MSH3: variants seen among roughly 807,000 people sequenced by gnomAD.
MSH3 encodes the protein mutS homolog 3.
A neutral mutation model predicts 123.3 loss-of-function variants in MSH3; 106 were observed. The ratio of observed to expected loss-of-function variants is 0.86; its 90% CI spans 0.73 to 1.01. MSH3 has a LOEUF of 1.01. Among genes scored for constraint, MSH3 ranks in the 50% least tolerant of loss-of-function variants. The pLI is 0.00. For synonymous variants in MSH3, 515 were observed against 481.4 expected (o/e 1.07, Z -0.91); for missense variants, 1,459 against 1,347.6 (o/e 1.08, Z -1.29).
intron 20 of MSH3, among the ~76,000 whole-genome samples, chr5:80,822,213 C>G (rs1334900411): frequency 1.3e-5 from 2 of 152,238 alleles, no homozygotes; most frequent in African/African-American, 4.8e-5. Flanking sequence ...GAGAGAAGTA[C>G]TGTGCCATAG....
chr5:80,775,875 T>A (rs1439176378), intron 16 of MSH3, 117 bp downstream of exon 16: 3 of 682,576 alleles, frequency 4.4e-6, no homozygotes, highest in Non-Finnish European at 7.8e-6. Flanking sequence ...TTTTTACTTA[T>A]TTTTTCTGAT....
intron 18 of MSH3, among the ~76,000 whole-genome samples, chr5:80,792,415 A>G (rs1043011186): frequency 6.6e-6 from 1 of 151,158 alleles, no homozygotes; most frequent in African/African-American, 2.4e-5. Flanking sequence ...TATCTCTTAA[A>G]AAAAAAAAAA....
intron 20 of MSH3, among the ~76,000 whole-genome samples, chr5:80,851,643 T>C (rs545166918): frequency 1.8e-4 from 27 of 152,332 alleles, no homozygotes; most frequent in Non-Finnish European, 3.4e-4. Flanking sequence ...TTTGATGACA[T>C]ATATGTAAAG....
At chr5:80,704,558 C>T (rs1445093567) in intron 8 of MSH3, among the ~76,000 whole-genome samples, 1 of 152,100 alleles carries the variant, frequency 6.6e-6, no homozygotes, top group Non-Finnish European at 1.5e-5. Flanking sequence ...GCTGATCTCT[C>T]TGGAGTGATT....
chr5:80,709,398 G>T (rs1023410978), intron 8 of MSH3, among the ~76,000 whole-genome samples: 1 of 152,144 alleles, frequency 6.6e-6, no homozygotes. Context: ...CAAGGTGGGC[G>T]GATCACGAGG....
rs753963663 is a variant in MSH3, at chr5:80,665,134, C to T, written c.359-9C>T. 9 of 1,609,336 alleles carry T rather than the reference C, an allele frequency of 5.6e-6. 1 individual carries two copies. In the South Asian group the frequency reaches 8.8e-5, roughly 16 times the overall value. On this transcript the variant is annotated splice_polypyrimidine_tract_variant and intron_variant, in intron 2 of 23. Transcript: ENST00000265081. ...TATTGTTCTGTTTTCTTCTTATTTG[C>T]TGCCTAAGAGCCAAAGAAATGTCTG...
At chr5:80,833,127 T>C (rs1173799955) in intron 20 of MSH3, among the ~76,000 whole-genome samples, 1 of 152,146 alleles carries the variant, frequency 6.6e-6, no homozygotes, top group Non-Finnish European at 1.5e-5. Flanking sequence ...TATATAAGGG[T>C]TATAGGCGAG....
At chr5:80,735,949 G>C (rs1743497739) in intron 10 of MSH3, among the ~76,000 whole-genome samples, 1 of 152,168 alleles carries the variant, frequency 6.6e-6, no homozygotes, top group Admixed American at 6.5e-5. Context: ...ATCTGGCTGG[G>C]CGCAGTGGCT....
At chr5:80,858,712 G>T (rs1421840166) in intron 21 of MSH3, among the ~76,000 whole-genome samples, 2 of 152,128 alleles carry the variant, frequency 1.3e-5, no homozygotes, top group Non-Finnish European at 2.9e-5. Context: ...AGATATAAAT[G>T]ATGTCTAGTT....
chr5:80,726,550 T>C (rs990611407), intron 9 of MSH3, among the ~76,000 whole-genome samples: 1 of 152,200 alleles, frequency 6.6e-6, no homozygotes, highest in Non-Finnish European at 1.5e-5. Context: ...CACTGCAACC[T>C]CTGTCTCTTG....
intron 20 of MSH3, among the ~76,000 whole-genome samples, chr5:80,819,779 G>A (rs372554360): frequency 2.6e-5 from 4 of 152,052 alleles, no homozygotes; most frequent in East Asian, 1.9e-4. Context: ...GAGCCACTGC[G>A]CCCGGCCAAA....
At chr5:80,692,564 GTATAT>G (rs1561445108) in intron 8 of MSH3, among the ~76,000 whole-genome samples, 4 of 140,926 alleles carry the variant, frequency 2.8e-5, no homozygotes, top group Non-Finnish European at 6.1e-5. Context: ...AGATAAACAT[GTATAT>G]GTTTATATAG....
intron 1 of MSH3, among the ~76,000 whole-genome samples, 163 bp from the exon 2 acceptor site, chr5:80,656,248 A>C (rs764068415): frequency 2.0e-5 from 3 of 152,190 alleles, no homozygotes; most frequent in Non-Finnish European, 1.5e-5. Context: ...TGGTGTTAAA[A>C]ACAGTTCACC....
intron 12 of MSH3, chr5:80,746,787 G>T (rs146079541): frequency 7.9e-6 from 3 of 377,754 alleles, no homozygotes; most frequent in South Asian, 2.5e-5. Flanking sequence ...AAATATCTCC[G>T]CATCAAAACT....
At chr5:80,838,703 T>C (rs1419233822) in intron 20 of MSH3, among the ~76,000 whole-genome samples, 35 of 152,064 alleles carry the variant, frequency 2.3e-4, no homozygotes, top group Admixed American at 2.3e-3. Flanking sequence ...ATCAACCTCT[T>C]CTTTTTACAG....
At chr5:80,692,647 T>G (rs544215988) in intron 8 of MSH3, among the ~76,000 whole-genome samples, 1 of 134,500 alleles carries the variant, frequency 7.4e-6, no homozygotes, top group African/African-American at 3.0e-5. Flanking sequence ...TATATGTTTA[T>G]ATAGATATAT....
rs772361271 is a variant in MSH3, at chr5:80,875,784, G to T, written c.3336G>T (p.Thr1112=). Residue 1112 remains threonine, a synonymous_variant, in exon 24 of 24, where the codon ACG becomes ACT. Coordinates refer to ENST00000265081, the MANE Select transcript of MSH3 (RefSeq NM_002439.5). Reference sequence around the variant, plus strand: ...TCAAGTATTTTGCAAAGTTATGGACGATGCATAATGCACAAGACCTGCAGA... The same window carrying T: ...TCAAGTATTTTGCAAAGTTATGGACTATGCATAATGCACAAGACCTGCAGA... The part of the protein sequence containing the change: ...KRLKYFAKLW[T]MHNAQDLQKW... 1.9e-6 allele frequency: 3 copies of T among 1,613,500 alleles called. No homozygotes were observed. The African/African-American group carries it at 4.0e-5, about 22-fold the overall frequency.
intron 12 of MSH3, among the ~76,000 whole-genome samples, chr5:80,748,721 CACACACACA>C (rs772488283): frequency 6.6e-6 from 1 of 150,650 alleles, no homozygotes; most frequent in African/African-American, 2.4e-5. Flanking sequence ...CACACACACA[CACACACACA>C]CACCCATATG....
chr5:80,695,788 TTA>T (rs1230031959), intron 8 of MSH3, among the ~76,000 whole-genome samples: 1 of 152,216 alleles, frequency 6.6e-6, no homozygotes, highest in Non-Finnish European at 1.5e-5. Flanking sequence ...GACATCTCTG[TTA>T]TCTTGGTGTT....
Sources: allele counts gnomAD v4.1 joint callset (sites outside exome capture counted in the v4.1 genomes callset), GRCh38; gene constraint gnomAD v4.1.1; transcripts MANE v1.5; gene names NCBI Gene and HGNC (gene_info 2026-07-23, HGNC 2026-07-21).